The following NAALADL2 variants were observed in gnomAD, a reference collection of about 807,000 sequenced individuals.
NAALADL2 encodes the protein N-acetylated alpha-linked acidic dipeptidase like 2.
In NAALADL2, 76 loss-of-function variants were observed where a neutral mutation model predicts 87.2. The ratio of observed to expected loss-of-function variants is 0.87; its 90% CI spans 0.72 to 1.05. The LOEUF (loss-of-function observed/expected upper bound fraction) is 1.05. Ranked by LOEUF, NAALADL2 falls within the 50% of genes least tolerant of loss-of-function variation. The pLI, the probability that NAALADL2 is intolerant of heterozygous loss-of-function variation, is 0.00. For missense variants in NAALADL2, 1,089 were observed against 945.8 expected (o/e 1.15, Z -1.99); for synonymous variants, 354 against 331.0 (o/e 1.07, Z -0.75).
intron 9 of NAALADL2, among the ~76,000 whole-genome samples, chr3:175,491,136 T>C (rs968299879): frequency 8.3e-5 from 12 of 145,022 alleles, no homozygotes; most frequent in Non-Finnish European, 1.7e-4. Flanking sequence ...GCAACATTTC[T>C]TTCTTTTTTT....
At chr3:175,651,612 TA>T (rs1730779229) in intron 11 of NAALADL2, among the ~76,000 whole-genome samples, 1 of 152,210 alleles carries the variant, frequency 6.6e-6, no homozygotes, top group Admixed American at 6.5e-5. Flanking sequence ...AGAGTTTATA[TA>T]AGTCCTTCAC....
intron 1 of NAALADL2, among the ~76,000 whole-genome samples, chr3:174,515,125 T>G (rs2108398960): frequency 6.6e-6 from 1 of 152,262 alleles, no homozygotes; most frequent in South Asian, 2.1e-4. Flanking sequence ...GAGCAAGTTC[T>G]AAAGGAGAGA....
chr3:174,566,865 A>G (rs1714343618), intron 2 of NAALADL2, among the ~76,000 whole-genome samples: 1 of 151,266 alleles, frequency 6.6e-6, no homozygotes, highest in Non-Finnish European at 1.5e-5. Context: ...TGAGTGGTCC[A>G]TGATTAACTT....
chr3:174,463,506 G>A (rs184940643), intron 1 of NAALADL2, among the ~76,000 whole-genome samples: 17 of 152,124 alleles, frequency 1.1e-4, no homozygotes, highest in Middle Eastern at 3.4e-3. Context: ...GAAAGCCATA[G>A]GTTGAATGAA....
At chr3:174,558,467 T>C (rs964672104) in intron 2 of NAALADL2, among the ~76,000 whole-genome samples, 9 of 152,110 alleles carry the variant, frequency 5.9e-5, no homozygotes, top group African/African-American at 2.2e-4. Flanking sequence ...CTGAGCTTGT[T>C]TTCCTGCAAC....
chr3:175,378,715 A>G (rs528129197), intron 5 of NAALADL2, among the ~76,000 whole-genome samples: 1 of 152,206 alleles, frequency 6.6e-6, no homozygotes, highest in East Asian at 1.9e-4. Flanking sequence ...CTGGGTGGAA[A>G]ACTTGGACAA....
At chr3:175,331,500 G>C (rs1213874424) in intron 5 of NAALADL2, among the ~76,000 whole-genome samples, 3 of 151,980 alleles carry the variant, frequency 2.0e-5, no homozygotes, top group Admixed American at 1.3e-4. Flanking sequence ...CTGATAAAAC[G>C]AAAGACAAAA....
intron 11 of NAALADL2, among the ~76,000 whole-genome samples, chr3:175,703,646 G>C (rs1004047142): frequency 6.6e-6 from 1 of 152,130 alleles, no homozygotes; most frequent in South Asian, 2.1e-4. Flanking sequence ...GGGAGGCTGA[G>C]GCAGGAGAAT....
chr3:174,541,769 A>C (rs905193537), intron 1 of NAALADL2, among the ~76,000 whole-genome samples: 3 of 152,188 alleles, frequency 2.0e-5, no homozygotes, highest in South Asian at 2.1e-4. Context: ...TAAGTATTTA[A>C]TATTTGCTAA....
At position 175,765,238 on chromosome 3, in the gene NAALADL2, C is replaced by T. The variant is rs114280047; in HGVS notation, c.2189+9820C>T. Among the ~76,000 whole-genome samples the T allele has an allele frequency of 1.5e-3, 227 of 152,114 alleles. 2 individuals carry two copies. The highest frequency in any genetic ancestry group is 4.9e-3 in the African/African-American group (205 of 41,530). On this transcript the variant is annotated intron_variant, in intron 13 of 13. Coordinates refer to ENST00000454872, the MANE Select transcript of NAALADL2 (RefSeq NM_207015.3). ...TGGCTCATATAAAAAATCTTTGTAA[C>T]GCTGATCATTATATACATTCCCTTT...
chr3:175,052,397 C>A (rs1006798058), intron 1 of NAALADL2, among the ~76,000 whole-genome samples: 1 of 152,140 alleles, frequency 6.6e-6, no homozygotes, highest in African/African-American at 2.4e-5. Flanking sequence ...GCCTGTTTCC[C>A]AACATGTTCT....
chr3:175,767,648 T>A (rs1025717368), intron 13 of NAALADL2: 3 of 152,130 alleles, frequency 2.0e-5, no homozygotes, highest in Non-Finnish European at 4.4e-5. Flanking sequence ...ATTCATGAAG[T>A]GTTCCATATT....
intron 2 of NAALADL2, among the ~76,000 whole-genome samples, chr3:175,225,731 T>C (rs1453618883): frequency 6.6e-6 from 1 of 152,104 alleles, no homozygotes; most frequent in Admixed American, 6.6e-5. Context: ...AAAGTTTCTG[T>C]GTATTGACCA....
intron 4 of NAALADL2, among the ~76,000 whole-genome samples, chr3:175,318,329 C>G (rs1272368141): frequency 1.3e-5 from 2 of 152,082 alleles, no homozygotes; most frequent in African/African-American, 4.8e-5. Flanking sequence ...GACACCCCAT[C>G]AAGTTAACAT....
At chr3:174,637,679 A>G (rs1269819598) in intron 2 of NAALADL2, among the ~76,000 whole-genome samples, 1 of 152,096 alleles carries the variant, frequency 6.6e-6, no homozygotes, top group Non-Finnish European at 1.5e-5. Flanking sequence ...AGTTTTCAGG[A>G]CATTTCATGA....
intron 2 of NAALADL2, among the ~76,000 whole-genome samples, chr3:175,230,570 T>C (rs1744800934): frequency 6.6e-6 from 1 of 151,988 alleles, no homozygotes; most frequent in East Asian, 1.9e-4. Flanking sequence ...TGGGATATAA[T>C]TTTACCCTCA....
At chr3:174,624,185 TGA>T (rs1721321355) in intron 2 of NAALADL2, among the ~76,000 whole-genome samples, 1 of 103,516 alleles carries the variant, frequency 9.7e-6, no homozygotes, top group African/African-American at 3.6e-5. Flanking sequence ...GCTTATACAC[TGA>T]AAAAAAATGG....
At chr3:175,432,873 C>T (rs1470415732) in intron 5 of NAALADL2, among the ~76,000 whole-genome samples, 2 of 152,050 alleles carry the variant, frequency 1.3e-5, no homozygotes, top group Admixed American at 1.3e-4. Context: ...AGCTATTCAT[C>T]AGCAACTTAC....
intron 4 of NAALADL2, among the ~76,000 whole-genome samples, chr3:175,305,086 A>C (rs943511479): frequency 2.6e-5 from 4 of 152,066 alleles, no homozygotes; most frequent in African/African-American, 9.7e-5. Flanking sequence ...GAATCAGTTA[A>C]TTTTGTTCAT....
Sources: allele counts gnomAD v4.1 joint callset (sites outside exome capture counted in the v4.1 genomes callset), GRCh38; gene constraint gnomAD v4.1.1; transcripts MANE v1.5; gene names NCBI Gene and HGNC (gene_info 2026-07-23, HGNC 2026-07-21).